Variants in ZBTB7C observed in about 807,000 individuals in gnomAD.
ZBTB7C encodes the protein zinc finger and BTB domain containing 7C.
Under a neutral mutation model 25.7 loss-of-function variants are expected in ZBTB7C, and 8 were observed. That is an observed-to-expected ratio of 0.31 (90% confidence interval 0.18 to 0.56). The LOEUF (loss-of-function observed/expected upper bound fraction) is 0.56, where lower values mean the gene tolerates loss of function less well. Among genes scored for constraint, ZBTB7C ranks in the 20% least tolerant of loss-of-function variants. The pLI, the probability that ZBTB7C is intolerant of heterozygous loss-of-function variation, is 0.91. For missense variants in ZBTB7C, 824 were observed against 855.2 expected, an observed-to-expected ratio of 0.96 and a Z score of 0.46; for synonymous variants, 394 against 369.0, an observed-to-expected ratio of 1.07 and a Z score of -0.78.
chr18:48,307,071 A>C, intron 2 of ZBTB7C, among the ~76,000 whole-genome samples: 1 of 152,072 alleles, frequency 6.6e-6, no homozygotes, highest in East Asian at 1.9e-4. Flanking sequence ...GAGGGGCTTT[A>C]CTGTCCCTGT....
At chr18:48,054,336 T>C (rs559831632) in intron 3 of ZBTB7C, among the ~76,000 whole-genome samples, 1 of 152,250 alleles carries the variant, frequency 6.6e-6, no homozygotes, top group South Asian at 2.1e-4. Context: ...CGCTCTGCAT[T>C]ATTCACGGCC....
At chr18:48,268,592 AGGGTGGGGGG>A (rs894700949) in intron 2 of ZBTB7C, among the ~76,000 whole-genome samples, 2 of 152,110 alleles carry the variant, frequency 1.3e-5, no homozygotes, top group African/African-American at 4.8e-5. Context: ...TCAGATATCA[AGGGTGGGGGG>A]GATTCTCAAT....
At chr18:48,271,961 C>T (rs2044502024) in intron 2 of ZBTB7C, among the ~76,000 whole-genome samples, 1 of 152,140 alleles carries the variant, frequency 6.6e-6, no homozygotes, top group Non-Finnish European at 1.5e-5. Flanking sequence ...AAGTCCTATC[C>T]AGTGCAATAA....
chr18:48,175,143 GA>G (rs929993967), intron 3 of ZBTB7C, among the ~76,000 whole-genome samples: 3 of 151,256 alleles, frequency 2.0e-5, no homozygotes, highest in South Asian at 2.1e-4. Context: ...CCCTCAAACT[GA>G]AAAAAAAGGA....
In ZBTB7C at chr18:48,408,140, C is replaced by T. The variant is rs561919192; in HGVS notation, c.-304+1086G>A. Among the ~76,000 whole-genome samples the T allele has an allele frequency of 2.6e-5, 4 of 152,362 alleles. No individual in the cohort carries two copies. In the East Asian group the frequency reaches 7.7e-4, roughly 29 times the overall value. Reference sequence around the variant, plus strand: ...TTCCCATACAGGCAGCGCACGCCACCCACCCCCAGCTCCCCTCGGCCTTGC... The same window carrying T: ...TTCCCATACAGGCAGCGCACGCCACTCACCCCCAGCTCCCCTCGGCCTTGC... On this transcript the variant is annotated intron_variant, in intron 1 of 4. Transcript: ENST00000590800.
At chr18:48,175,178 A>G (rs2041629066) in intron 3 of ZBTB7C, among the ~76,000 whole-genome samples, 1 of 152,228 alleles carries the variant, frequency 6.6e-6, no homozygotes, top group African/African-American at 2.4e-5. Flanking sequence ...TCAAATAAAT[A>G]CTATAACCAC....
intron 3 of ZBTB7C, among the ~76,000 whole-genome samples, chr18:48,073,710 G>C (rs1020897137): frequency 6.6e-6 from 1 of 152,108 alleles, no homozygotes; most frequent in Non-Finnish European, 1.5e-5. Flanking sequence ...GCTGTGGCTG[G>C]CCGGCTGGCC....
chr18:48,313,097 C>T (rs567754935), intron 2 of ZBTB7C, among the ~76,000 whole-genome samples: 14 of 152,342 alleles, frequency 9.2e-5, no homozygotes, highest in African/African-American at 2.9e-4. Context: ...TCACTCCTCT[C>T]GTCTCTTTAT....
chr18:48,293,589 G>A (rs930661983), intron 2 of ZBTB7C, among the ~76,000 whole-genome samples: 11 of 152,172 alleles, frequency 7.2e-5, no homozygotes, highest in East Asian at 1.9e-4. Context: ...CCAAATAGGC[G>A]CGATGGTAAT....
chr18:48,209,553 A>T (rs954460196), intron 2 of ZBTB7C, among the ~76,000 whole-genome samples: 1 of 152,178 alleles, frequency 6.6e-6, no homozygotes, highest in Admixed American at 6.6e-5. Context: ...CCCAGAGTTC[A>T]AGACCAGCCC....
chr18:48,106,546 G>A (rs1479531032), intron 3 of ZBTB7C, among the ~76,000 whole-genome samples: 1 of 152,154 alleles, frequency 6.6e-6, no homozygotes, highest in Non-Finnish European at 1.5e-5. Context: ...TATGGGTGGG[G>A]AGTCAGAGGA....
chr18:48,047,151 C>T (rs560831365), intron 3 of ZBTB7C, among the ~76,000 whole-genome samples: 1 of 152,222 alleles, frequency 6.6e-6, no homozygotes, highest in Admixed American at 6.5e-5. Flanking sequence ...GAAGAAGTGT[C>T]CCCACCCTGC....
At chr18:48,340,825 A>G (rs1346063902) in intron 1 of ZBTB7C, among the ~76,000 whole-genome samples, 2 of 152,240 alleles carry the variant, frequency 1.3e-5, no homozygotes, top group African/African-American at 4.8e-5. Context: ...ACTCCCAACC[A>G]TATGAAAAGG....
Position 48,329,926 on chromosome 18 carries a change from G to C in ZBTB7C, c.-79+8248C>G, listed in dbSNP as rs374255087. 6.6e-5 allele frequency among the ~76,000 whole-genome samples: 10 copies of C among 152,252 alleles called. No homozygotes were observed. The East Asian group carries it at 1.4e-3, about 21-fold the overall frequency. ...TACAACAATCCCGGGAGGGAGATTT[G>C]CTTTCCCCATGTTACACTTGCGGAC... On this transcript the variant is annotated intron_variant, in intron 2 of 4. Transcript: ENST00000590800.
chr18:48,166,057 A>T (rs1400275918), intron 3 of ZBTB7C, among the ~76,000 whole-genome samples: 4 of 151,948 alleles, frequency 2.6e-5, no homozygotes, highest in African/African-American at 4.8e-5. Context: ...ATTTTTTTTT[A>T]AATTGTGGTA....
chr18:48,305,488 TC>T (rs1285827026), intron 2 of ZBTB7C, among the ~76,000 whole-genome samples: 2 of 152,182 alleles, frequency 1.3e-5, no homozygotes, highest in African/African-American at 2.4e-5. Context: ...TCACTGAATA[TC>T]TGCTGAGCAT....
intron 3 of ZBTB7C, among the ~76,000 whole-genome samples, chr18:48,119,943 G>T (rs1175494113): frequency 1.3e-5 from 2 of 152,148 alleles, no homozygotes; most frequent in African/African-American, 4.8e-5. Context: ...AGGTTGAAGG[G>T]ATAAGCTGGA....
chr18:48,322,463 G>A (rs2046119192), intron 2 of ZBTB7C, among the ~76,000 whole-genome samples: 1 of 152,196 alleles, frequency 6.6e-6, no homozygotes, highest in East Asian at 1.9e-4. Flanking sequence ...GCCTCAGGAA[G>A]GCAAGAACCA....
intron 3 of ZBTB7C, among the ~76,000 whole-genome samples, chr18:48,083,045 C>G (rs2038050339): frequency 6.6e-6 from 1 of 152,180 alleles, no homozygotes; most frequent in East Asian, 1.9e-4. Flanking sequence ...CTTTTCCCAA[C>G]TATAACCCGC....
Sources: allele counts gnomAD v4.1 joint callset (sites outside exome capture counted in the v4.1 genomes callset), GRCh38; gene constraint gnomAD v4.1.1; transcripts MANE v1.5; gene names NCBI Gene and HGNC (gene_info 2026-07-23, HGNC 2026-07-21).